Variants in MLLT3 observed in about 807,000 individuals in gnomAD.
The protein encoded by MLLT3 is MLLT3 super elongation complex subunit, also known as protein AF-9.
A neutral mutation model predicts 53.2 loss-of-function variants in MLLT3; 4 were observed. The observed-to-expected ratio is 0.08, with a 90% confidence interval of 0.04 to 0.17. MLLT3 has a LOEUF of 0.17. Among genes scored for constraint, MLLT3 ranks in the 10% least tolerant of loss-of-function variants. MLLT3 has a pLI of 1.00. For missense variants in MLLT3, 569 were observed against 684.0 expected (o/e 0.83, Z 1.87); for synonymous variants, 283 against 230.6 (o/e 1.23, Z -2.06).
In MLLT3 at chr9:20,622,247, A is replaced by G; in HGVS notation, c.10T>C (p.Ser4Pro). The G allele has an allele frequency of 6.2e-7, 1 of 1,600,802 alleles. No individual in the cohort carries two copies. Among genetic ancestry groups the G allele is most frequent in the Non-Finnish European group, 8.5e-7 (1 of 1,173,126 alleles). ...TTATTATTTTTGCGCGTACTTACCG[A>G]GCTAGCCATGCCTGGGGGCCCGGAG... MAS[S>P]CAVQVKLELG... Residue 4 changes from serine (S) to proline (P), a missense_variant and splice_region_variant, in exon 1 of 11, where the codon TCG (serine) becomes CCG (proline). Ser to Pro is a moderately conservative substitution (Grantham distance 74). Coordinates refer to ENST00000380338, the MANE Select transcript of MLLT3 (RefSeq NM_004529.4).
intron 2 of MLLT3, among the ~76,000 whole-genome samples, chr9:20,589,186 A>G (rs1276763946): frequency 2.0e-5 from 3 of 150,354 alleles, no homozygotes; most frequent in Non-Finnish European, 4.5e-5. Context: ...GAACCAACCC[A>G]AATGTCCAAC....
At chr9:20,515,299 G>T (rs932778182) in intron 2 of MLLT3, among the ~76,000 whole-genome samples, 4 of 152,172 alleles carry the variant, frequency 2.6e-5, no homozygotes, top group African/African-American at 9.7e-5. Flanking sequence ...ATGTAACGAT[G>T]TCACTACTTG....
At chr9:20,516,109 G>A (rs1485287318) in intron 2 of MLLT3, among the ~76,000 whole-genome samples, 2 of 152,104 alleles carry the variant, frequency 1.3e-5, no homozygotes, top group African/African-American at 4.8e-5. Flanking sequence ...AGGAGTCTGT[G>A]ACTATGAACA....
intron 5 of MLLT3, among the ~76,000 whole-genome samples, chr9:20,378,040 A>G (rs1254016011): frequency 2.6e-5 from 4 of 152,090 alleles, no homozygotes; most frequent in South Asian, 2.1e-4. Flanking sequence ...GTATGAATGT[A>G]TATGTTTACA....
At chr9:20,479,156 A>C (rs1412002817) in intron 2 of MLLT3, among the ~76,000 whole-genome samples, 1 of 152,180 alleles carries the variant, frequency 6.6e-6, no homozygotes, top group Non-Finnish European at 1.5e-5. Flanking sequence ...GGTTTCCTTT[A>C]CAAGTTTAAA....
intron 2 of MLLT3, among the ~76,000 whole-genome samples, chr9:20,512,190 T>C (rs1817768892): frequency 6.6e-6 from 1 of 152,244 alleles, no homozygotes; most frequent in African/African-American, 2.4e-5. Flanking sequence ...GGTGCTGTTT[T>C]ACGGACTGTG....
intron 2 of MLLT3, among the ~76,000 whole-genome samples, chr9:20,475,075 C>G (rs1020228360): frequency 6.6e-6 from 1 of 151,966 alleles, no homozygotes; most frequent in Non-Finnish European, 1.5e-5. Flanking sequence ...GGGGTGGGAA[C>G]TGAATGAATG....
At chr9:20,516,250 G>A (rs1477916942) in intron 2 of MLLT3, among the ~76,000 whole-genome samples, 1 of 152,076 alleles carries the variant, frequency 6.6e-6, no homozygotes, top group African/African-American at 2.4e-5. Context: ...ACGGCTCTCT[G>A]GTCACAACCA....
intron 2 of MLLT3, among the ~76,000 whole-genome samples, chr9:20,521,065 T>A (rs1360335782): frequency 7.1e-6 from 1 of 140,936 alleles, no homozygotes; most frequent in Admixed American, 7.3e-5. Context: ...GTAAACTTTT[T>A]TTTTGTTCTT....
intron 2 of MLLT3, among the ~76,000 whole-genome samples, chr9:20,561,510 T>G (rs752098319): frequency 6.6e-6 from 1 of 152,192 alleles, no homozygotes; most frequent in Admixed American, 6.5e-5. Context: ...ATCGTCCTTA[T>G]AGCAAAAGAC....
At chr9:20,378,770 T>A (rs1586904247) in intron 5 of MLLT3, among the ~76,000 whole-genome samples, 1 of 152,048 alleles carries the variant, frequency 6.6e-6, no homozygotes, top group South Asian at 2.1e-4. Context: ...TTTTAAGAAG[T>A]CCCTCTATCT....
rs1283508234 is a variant in MLLT3 at position 20,413,903 on chromosome 9, G to A, written c.943C>T (p.Pro315Ser). Residue 315 changes from proline (P) to serine (S), a missense_variant, in exon 5 of 11, where the codon CCA (proline) becomes TCA (serine). Coordinates refer to ENST00000380338, the MANE Select transcript of MLLT3 (RefSeq NM_004529.4). ...ALFKSFSSAP[P>S]LILTCSADKK... ...TCAGCAGAACAAGTGAGTATCAGTGGTGGTGCGCTAGAAAAACTTTTAAAT... is the reference window on the plus strand; with the variant it reads ...TCAGCAGAACAAGTGAGTATCAGTGATGGTGCGCTAGAAAAACTTTTAAAT... The A allele has an allele frequency of 1.2e-6, 2 of 1,613,686 alleles. No homozygotes were observed. The highest frequency in any genetic ancestry group is 8.5e-7 in the Non-Finnish European group (1 of 1,179,946).
At chr9:20,567,304 T>TAAAAAAAA (rs35505450) in intron 2 of MLLT3, among the ~76,000 whole-genome samples, 31 of 79,934 alleles carry the variant, frequency 3.9e-4, no homozygotes, top group African/African-American at 4.3e-4. Context: ...CTATATTCAG[T>TAAAAAAAA]AAAAAAAAAA....
rs80130301 is a variant in MLLT3 at position 20,430,910 on chromosome 9, G to A, written c.421-16485C>T. Among the ~76,000 whole-genome samples, 973 of 152,126 alleles carry A rather than the reference G, an allele frequency of 6.4e-3. 12 individuals carry two copies. The highest frequency in any genetic ancestry group is 0.023 in the African/African-American group (935 of 41,554). ...TAAGTAAATAGAAAAATAAGTGGAA[G>A]ACATGAACAAACATTTCACAGAATA... On this transcript the variant is annotated intron_variant, in intron 4 of 10. Transcript: ENST00000380338.
intron 5 of MLLT3, among the ~76,000 whole-genome samples, chr9:20,409,875 A>C (rs923639037): frequency 6.6e-6 from 1 of 152,228 alleles, no homozygotes; most frequent in South Asian, 2.1e-4. Context: ...TAACTCAAAG[A>C]TAAATCATTT....
intron 2 of MLLT3, among the ~76,000 whole-genome samples, chr9:20,539,991 C>T (rs1049629948): frequency 2.6e-5 from 4 of 152,198 alleles, no homozygotes; most frequent in African/African-American, 7.2e-5. Context: ...GGAAAAAGTG[C>T]CCAAAACAAA....
chr9:20,365,329 T>G (rs561345407), intron 6 of MLLT3, among the ~76,000 whole-genome samples: 119 of 152,230 alleles, frequency 7.8e-4, no homozygotes, highest in African/African-American at 2.6e-3. Context: ...AGATGGTTTT[T>G]TTTTGTTTTG....
At position 20,363,591 on chromosome 9, in the gene MLLT3, T is replaced by C. The variant is rs199860808; in HGVS notation, c.1216A>G (p.Ile406Val). ...TCATCAGAATGCAGATCTTTCATTA[T>C]AGACCTCAAAGGACCTGAGTAATGA... ...QTRQQGPLRS[I>V]MKDLHSDDNE... The change falls in exon 7 of 11, where the codon ATA (isoleucine) becomes GTA (valine). Residue 406 changes from isoleucine to valine, a missense_variant. Ile to Val is a conservative substitution (Grantham distance 29). Coordinates refer to ENST00000380338, the MANE Select transcript of MLLT3 (RefSeq NM_004529.4). The C allele has an allele frequency of 8.1e-6, 13 of 1,613,860 alleles. No homozygotes were observed. The highest frequency in any genetic ancestry group is 3.3e-4 in the Middle Eastern group (2 of 6,062).
rs1442817706 is a variant in MLLT3 at position 20,454,985 on chromosome 9, G to T, written c.276+1719C>A. Among the ~76,000 whole-genome samples, 17 of 152,128 alleles carry T rather than the reference G, an allele frequency of 1.1e-4. 1 individual carries two copies. Among genetic ancestry groups the T allele is most frequent in the Admixed American group, 1.1e-3 (17 of 15,278 alleles). Reference sequence around the variant, plus strand: ...ATGAGGTATACTTCACATCTACTAGGATGACTATAATAGAAAATAACAAGT... The same window carrying T: ...ATGAGGTATACTTCACATCTACTAGTATGACTATAATAGAAAATAACAAGT... On this transcript the variant is annotated intron_variant, in intron 3 of 10. Coordinates refer to ENST00000380338, the MANE Select transcript of MLLT3 (RefSeq NM_004529.4).
Sources: allele counts gnomAD v4.1 joint callset (sites outside exome capture counted in the v4.1 genomes callset), GRCh38; gene constraint gnomAD v4.1.1; transcripts MANE v1.5; gene names NCBI Gene and HGNC (gene_info 2026-07-23, HGNC 2026-07-21).